EEPD1: variants seen among roughly 807,000 people sequenced by gnomAD.
EEPD1 encodes the protein endonuclease/exonuclease/phosphatase family domain-containing protein 1.
EEPD1 carries 17 observed loss-of-function variants against 46.3 expected under a neutral mutation model. The observed-to-expected ratio is 0.37, with a 90% CI of 0.25 to 0.55. The LOEUF is 0.55. Ranked by LOEUF, EEPD1 falls within the 20% of genes least tolerant of loss-of-function variation. The probability of loss-of-function intolerance (pLI) is 0.83; values close to 1 mark genes in which losing one functional copy is unlikely to be tolerated. For missense variants in EEPD1, 673 were observed against 745.6 expected (o/e 0.90, Z 1.13); for synonymous variants, 313 against 315.6 (o/e 0.99, Z 0.09).
intron 2 of EEPD1, among the ~76,000 whole-genome samples, chr7:36,220,094 C>A (rs933205312): frequency 3.0e-4 from 46 of 152,162 alleles, no homozygotes; most frequent in African/African-American, 1.1e-3. Context: ...ATGCTGTCCC[C>A]ACAGTAGATG....
chr7:36,156,355 C>T (rs1784824855), intron 2 of EEPD1, among the ~76,000 whole-genome samples: 1 of 152,170 alleles, frequency 6.6e-6, no homozygotes, highest in African/African-American at 2.4e-5. Context: ...GGTCAGGGAA[C>T]TGGACTGGGG....
At chr7:36,177,051 C>G (rs1221901807) in intron 2 of EEPD1, among the ~76,000 whole-genome samples, 3 of 152,062 alleles carry the variant, frequency 2.0e-5, no homozygotes, top group Non-Finnish European at 4.4e-5. Flanking sequence ...CACTCTGGCA[C>G]AAGGAAAATG....
intron 2 of EEPD1, among the ~76,000 whole-genome samples, chr7:36,197,896 A>T (rs1225939447): frequency 7.2e-5 from 11 of 151,802 alleles, no homozygotes; most frequent in South Asian, 2.1e-4. Flanking sequence ...TCAATAAAAA[A>T]AAAAATAAAA....
intron 2 of EEPD1, among the ~76,000 whole-genome samples, chr7:36,156,590 T>C (rs1259891898): frequency 6.6e-6 from 1 of 152,194 alleles, no homozygotes; most frequent in Non-Finnish European, 1.5e-5. Flanking sequence ...ATTCCTATTA[T>C]GCTTTCTAGT....
intron 1 of EEPD1, 125 bp downstream of exon 1, chr7:36,153,799 A>G: frequency 6.4e-6 from 1 of 155,048 alleles, no homozygotes; most frequent in Non-Finnish European, 1.4e-5. Flanking sequence ...AGCGTGGGGG[A>G]GGTGGAGTGG....
chr7:36,289,948 C>G (rs1787402968), intron 6 of EEPD1, among the ~76,000 whole-genome samples: 1 of 152,210 alleles, frequency 6.6e-6, no homozygotes, highest in South Asian at 2.1e-4. Context: ...TGTGCAGCAG[C>G]TTTTCTTTTG....
intron 4 of EEPD1, among the ~76,000 whole-genome samples, chr7:36,282,597 C>T (rs558896615): frequency 6.6e-6 from 1 of 152,388 alleles, no homozygotes; most frequent in Non-Finnish European, 1.5e-5. Context: ...GCCTCAATTC[C>T]TTCATCTGTA....
intron 2 of EEPD1, among the ~76,000 whole-genome samples, chr7:36,176,215 G>T (rs1384333966): frequency 6.6e-6 from 1 of 152,230 alleles, no homozygotes; most frequent in Non-Finnish European, 1.5e-5. Context: ...CCCTGGGAAG[G>T]AAGATTCCTG....
At chr7:36,216,417 C>T (rs1786030916) in intron 2 of EEPD1, among the ~76,000 whole-genome samples, 1 of 152,190 alleles carries the variant, frequency 6.6e-6, no homozygotes, top group Non-Finnish European at 1.5e-5. Flanking sequence ...CGTAATAACA[C>T]CTTTTCCACC....
intron 2 of EEPD1, among the ~76,000 whole-genome samples, chr7:36,165,411 CTTTTTTTTTT>C (rs56236165): frequency 1.6e-5 from 1 of 62,062 alleles, no homozygotes; most frequent in Admixed American, 2.2e-4. Context: ...GATCCATTTC[CTTTTTTTTTT>C]TTTTTTTTTT....
intron 2 of EEPD1, among the ~76,000 whole-genome samples, chr7:36,201,898 T>C (rs112272130): frequency 1.1e-4 from 16 of 152,352 alleles, no homozygotes; most frequent in African/African-American, 3.8e-4. Flanking sequence ...TTGTGAGTTC[T>C]GGCTTCCCAT....
intron 3 of EEPD1, among the ~76,000 whole-genome samples, chr7:36,272,972 C>T (rs1787133789): frequency 6.6e-6 from 1 of 152,220 alleles, no homozygotes; most frequent in South Asian, 2.1e-4. Flanking sequence ...CCCGGCCCCT[C>T]CTGGGAGGAA....
intron 2 of EEPD1, among the ~76,000 whole-genome samples, chr7:36,214,707 T>C (rs185021847): frequency 1.2e-3 from 178 of 152,308 alleles, no homozygotes; most frequent in African/African-American, 4.2e-3. Context: ...ACCTTTATCT[T>C]ACTCCAGAAA....
intron 4 of EEPD1, among the ~76,000 whole-genome samples, chr7:36,281,482 T>C (rs1008660525): frequency 3.9e-5 from 6 of 152,188 alleles, no homozygotes; most frequent in Admixed American, 2.6e-4. Context: ...AGGCAACAAA[T>C]GGGTATTTCT....
At chr7:36,167,711 C>G (rs949732129) in intron 2 of EEPD1, among the ~76,000 whole-genome samples, 5 of 151,808 alleles carry the variant, frequency 3.3e-5, no homozygotes, top group African/African-American at 1.2e-4. Flanking sequence ...ACATAGTGCC[C>G]TTTATTATTA....
intron 7 of EEPD1, 70 bp from the exon 8 acceptor site, chr7:36,298,937 G>T: frequency 6.4e-7 from 1 of 1,554,338 alleles, no homozygotes; most frequent in South Asian, 1.2e-5. Context: ...CCCTCCACCT[G>T]CCAATCCAGG....
At chr7:36,253,476 G>A (rs1186417206) in intron 3 of EEPD1, among the ~76,000 whole-genome samples, 1 of 152,168 alleles carries the variant, frequency 6.6e-6, no homozygotes, top group Non-Finnish European at 1.5e-5. Flanking sequence ...TATGGTTTAT[G>A]TTGTAGTTCA....
chr7:36,237,455 T>A (rs896091932), intron 2 of EEPD1, among the ~76,000 whole-genome samples: 10 of 152,156 alleles, frequency 6.6e-5, no homozygotes, highest in Non-Finnish European at 7.3e-5. Context: ...TTTTTCTTTA[T>A]CCCAAAGTGA....
chr7:36,261,960 A>G (rs2115831779), intron 3 of EEPD1, among the ~76,000 whole-genome samples: 1 of 152,334 alleles, frequency 6.6e-6, no homozygotes, highest in South Asian at 2.1e-4. Flanking sequence ...AAGATTTCAA[A>G]TTTTTGGAAA....
Sources: gnomAD v4.1 joint callset for allele counts (sites outside exome capture counted in the v4.1 genomes callset) on GRCh38, gnomAD v4.1.1 for gene constraint, MANE v1.5 for transcripts, NCBI Gene and HGNC (gene_info 2026-07-23, HGNC 2026-07-21) for gene names.